The following NAV3 variants were observed in gnomAD, a reference collection of about 807,000 sequenced individuals.
The protein encoded by NAV3 is neuron navigator 3, also known as pore membrane and/or filament interacting like protein 1.
NAV3 carries 87 observed loss-of-function variants against 244.7 expected under a neutral mutation model. That is an observed-to-expected ratio of 0.36 (90% CI 0.30 to 0.42). The LOEUF (loss-of-function observed/expected upper bound fraction) is 0.42. Ranked by LOEUF, NAV3 falls within the 20% of genes least tolerant of loss-of-function variation. The pLI, the probability that NAV3 is intolerant of heterozygous loss-of-function variation, is 1.00. For synonymous variants in NAV3, 1,126 were observed against 1,042.2 expected (o/e 1.08, Z -1.55); for missense variants, 2,663 against 2,893.3 (o/e 0.92, Z 1.83).
chr12:77,959,470 TA>T (rs1891675221), intron 3 of NAV3, among the ~76,000 whole-genome samples: 1 of 152,112 alleles, frequency 6.6e-6, no homozygotes, highest in South Asian at 2.1e-4. Context: ...CCATTAATAT[TA>T]AAAACTGTTA....
chr12:78,163,031 G>A (rs1334211658), intron 23 of NAV3, among the ~76,000 whole-genome samples: 1 of 149,108 alleles, frequency 6.7e-6, no homozygotes, highest in African/African-American at 2.5e-5. Flanking sequence ...GTAAAGCTGA[G>A]AATGAGGATA....
At chr12:77,768,749 C>T (rs114039543) in intron 2 of NAV3, among the ~76,000 whole-genome samples, 3,863 of 152,292 alleles carry the variant, frequency 0.025, 176 homozygotes, top group African/African-American at 0.088. Flanking sequence ...AGGGCGGGCT[C>T]CTGCCCTGCA....
At chr12:78,180,739 T>C in intron 29 of NAV3, 132 bp from the exon 30 acceptor site, 1 of 736,762 alleles carries the variant, frequency 1.4e-6, no homozygotes, top group Non-Finnish European at 2.2e-6. Flanking sequence ...ATTTCATATC[T>C]TATATTTCTT....
At chr12:77,711,944 G>GA (rs1450771859) in intron 2 of NAV3, among the ~76,000 whole-genome samples, 1 of 152,062 alleles carries the variant, frequency 6.6e-6, no homozygotes, top group Non-Finnish European at 1.5e-5. Flanking sequence ...TACTTCCAAT[G>GA]AACTCACTAT....
chr12:78,051,292 C>CCCTT, intron 11 of NAV3, 145 bp downstream of exon 11: 1 of 826,358 alleles, frequency 1.2e-6, no homozygotes, highest in Non-Finnish European at 1.8e-6. Context: ...TGTTGAAGGG[C>CCCTT]CCTTCCTCTG....
chr12:77,987,055 T>C (rs1870639426), intron 5 of NAV3, among the ~76,000 whole-genome samples: 1 of 152,158 alleles, frequency 6.6e-6, no homozygotes, highest in African/African-American at 2.4e-5. Context: ...ACCTTTAAAA[T>C]TGTTTTGTTT....
chr12:78,136,093 C>A (rs1956360470), intron 18 of NAV3, among the ~76,000 whole-genome samples: 4 of 152,088 alleles, frequency 2.6e-5, no homozygotes, highest in Admixed American at 2.6e-4. Flanking sequence ...GTTTTGAGAG[C>A]CAGTACTTGT....
At chr12:77,882,851 A>G (rs1174847517) in intron 1 of NAV3, among the ~76,000 whole-genome samples, 2 of 152,178 alleles carry the variant, frequency 1.3e-5, no homozygotes, top group African/African-American at 4.8e-5. Flanking sequence ...GCTCATCATC[A>G]GAGAAATGCA....
chr12:77,657,233 G>C (rs1873159247), intron 2 of NAV3, among the ~76,000 whole-genome samples: 1 of 152,116 alleles, frequency 6.6e-6, no homozygotes, highest in African/African-American at 2.4e-5. Context: ...GAAAAAAAGA[G>C]AGAAGAATCA....
chr12:77,946,154 C>CAT (rs1178039480), intron 3 of NAV3, among the ~76,000 whole-genome samples: 3 of 145,958 alleles, frequency 2.1e-5, no homozygotes, highest in Non-Finnish European at 4.5e-5. Flanking sequence ...TACATATATA[C>CAT]ATATATATAT....
At chr12:77,794,890 A>G (rs1180344782) in intron 2 of NAV3, among the ~76,000 whole-genome samples, 1 of 152,200 alleles carries the variant, frequency 6.6e-6, no homozygotes, top group Non-Finnish European at 1.5e-5. Flanking sequence ...CAGCTCCACC[A>G]ATCGGCCATT....
At chr12:78,150,584 A>G (rs979056358) in intron 22 of NAV3, among the ~76,000 whole-genome samples, 2 of 150,456 alleles carry the variant, frequency 1.3e-5, no homozygotes, top group Admixed American at 6.7e-5. Context: ...TTTTTCTATT[A>G]TATGCTAATG....
intron 9 of NAV3, among the ~76,000 whole-genome samples, chr12:78,027,493 G>A (rs1203720981): frequency 6.6e-6 from 1 of 152,056 alleles, no homozygotes; most frequent in Non-Finnish European, 1.5e-5. Context: ...TTGTAACACA[G>A]GTTGAACATC....
chr12:77,996,992 C>G (rs1282302941), intron 6 of NAV3, among the ~76,000 whole-genome samples: 1 of 151,908 alleles, frequency 6.6e-6, no homozygotes, highest in African/African-American at 2.4e-5. Context: ...CCTGTAATCC[C>G]AACACTTTGG....
At chr12:78,100,507 G>C (rs1954485597) in intron 12 of NAV3, among the ~76,000 whole-genome samples, 1 of 151,550 alleles carries the variant, frequency 6.6e-6, no homozygotes, top group South Asian at 2.1e-4. Context: ...CCCTTCTTTT[G>C]ATTTACTTGT....
chr12:77,813,168 A>G (rs1339552988), intron 2 of NAV3, among the ~76,000 whole-genome samples: 1 of 152,196 alleles, frequency 6.6e-6, no homozygotes, highest in Non-Finnish European at 1.5e-5. Context: ...CTCTTAGCCC[A>G]TCAGTGCCTG....
At position 77,993,758 on chromosome 12, in the gene NAV3, T is replaced by A. The variant is rs182373095; in HGVS notation, c.672-1045T>A. The stretch of plus-strand genomic sequence containing the variant: ...GCAATTGGATCAACTACATCAGGAC[T>A]CCAAGTGATCCCACCCTGATTCCAA... On this transcript the variant is annotated intron_variant, in intron 5 of 39. Transcript: ENST00000397909. 7.9e-5 allele frequency among the ~76,000 whole-genome samples: 12 copies of A among 152,292 alleles called. 1 individual carries two copies. In the East Asian group the frequency reaches 2.3e-3, roughly 29 times the overall value.
chr12:77,990,921 T>A (rs959783758), intron 5 of NAV3, among the ~76,000 whole-genome samples: 7 of 152,244 alleles, frequency 4.6e-5, no homozygotes, highest in African/African-American at 1.7e-4. Context: ...AAAAATTGTC[T>A]CTATTAATTG....
At chr12:77,976,108 C>T (rs530043150) in intron 5 of NAV3, among the ~76,000 whole-genome samples, 8 of 152,074 alleles carry the variant, frequency 5.3e-5, no homozygotes, top group African/African-American at 1.9e-4. Context: ...GGAAAGATGG[C>T]GTTTCCATTT....
Sources: allele counts gnomAD v4.1 joint callset (sites outside exome capture counted in the v4.1 genomes callset), GRCh38; gene constraint gnomAD v4.1.1; transcripts MANE v1.5; gene names NCBI Gene and HGNC (gene_info 2026-07-23, HGNC 2026-07-21).